The following DCC variants were observed in gnomAD, a reference collection of about 807,000 sequenced individuals.
DCC encodes the protein netrin receptor DCC.
DCC carries 58 observed loss-of-function variants against 172.5 expected under a neutral mutation model. That is an observed-to-expected ratio of 0.34 (90% CI 0.27 to 0.42). The LOEUF (loss-of-function observed/expected upper bound fraction) is 0.42, where lower values mean the gene tolerates loss of function less well. Among genes scored for constraint, DCC ranks in the 10% least tolerant of loss-of-function variants. The pLI is 1.00. For missense variants in DCC, 1,740 were observed against 1,791.0 expected (o/e 0.97, Z 0.51); for synonymous variants, 709 against 644.5 (o/e 1.10, Z -1.52).
chr18:52,497,378 T>C, intron 1 of DCC, among the ~76,000 whole-genome samples: 1 of 132,512 alleles, frequency 7.5e-6, no homozygotes, highest in Non-Finnish European at 1.6e-5. Context: ...TATGTGTATA[T>C]ATGTATACAC....
intron 20 of DCC, among the ~76,000 whole-genome samples, chr18:53,412,171 A>T (rs935712310): frequency 6.0e-4 from 91 of 152,296 alleles, no homozygotes; most frequent in African/African-American, 2.1e-3. Flanking sequence ...ACTAAGAACA[A>T]GTTCAGGAAT....
chr18:53,365,614 T>G (rs536742484), intron 15 of DCC, among the ~76,000 whole-genome samples: 59 of 152,260 alleles, frequency 3.9e-4, no homozygotes, highest in Non-Finnish European at 6.9e-4. Context: ...ACGAGGAATG[T>G]GTGAGTGTCT....
Position 52,650,002 on chromosome 18 carries a change from G to T in DCC, c.92-102052G>T, listed in dbSNP as rs137945800. Among the ~76,000 whole-genome samples, 384 of 137,398 alleles carry T rather than the reference G, an allele frequency of 2.8e-3. 2 individuals carry two copies. Among genetic ancestry groups the T allele is most frequent in the African/African-American group, 1.0e-2 (359 of 35,930 alleles). The allele number at this position is 137,398 out of a possible 152,430, so 90.1% of individuals were successfully genotyped here. ...TTTTTTTTTTTTTTTTTTTGAGATG[G>T]AGTATCGCTCTTGTTGCCCAGGCTG... On this transcript the variant is annotated intron_variant, in intron 1 of 28. Coordinates refer to ENST00000442544, the MANE Select transcript of DCC (RefSeq NM_005215.4).
chr18:52,817,581 GTC>G lies in DCC; in HGVS notation c.412+65213_412+65214del, dbSNP rs1403387356. ...GAGAATTATAGAATCTTTTAAGTCA[GTC>G]TCTCTTCCTCTTTCTAATATATATT... is the stretch of plus-strand genomic sequence containing the variant. On this transcript the variant is annotated intron_variant, in intron 2 of 28. Transcript: ENST00000442544. Among the ~76,000 whole-genome samples the G allele has an allele frequency of 4.6e-5, 7 of 151,756 alleles. No individual in the cohort carries two copies. The South Asian group carries it at 1.2e-3, about 27-fold the overall frequency.
intron 17 of DCC, among the ~76,000 whole-genome samples, chr18:53,393,847 C>T (rs895715642): frequency 2.6e-5 from 4 of 151,544 alleles, no homozygotes; most frequent in Non-Finnish European, 5.9e-5. Context: ...TTAACTGTTC[C>T]TCTTCCCTTC....
At chr18:52,907,929 C>T (rs2039914341) in intron 3 of DCC, among the ~76,000 whole-genome samples, 1 of 152,132 alleles carries the variant, frequency 6.6e-6, no homozygotes, top group African/African-American at 2.4e-5. Flanking sequence ...TTTACTTTCT[C>T]TTCTCTGGGA....
At chr18:53,450,465 C>T (rs1253973284) in intron 22 of DCC, 35 bp from the exon 23 acceptor site, 1 of 1,612,758 alleles carries the variant, frequency 6.2e-7, no homozygotes, top group Non-Finnish European at 8.5e-7. Context: ...CCACATCTTC[C>T]TAAACCTGAA....
At chr18:52,538,232 G>A (rs191027743) in intron 1 of DCC, among the ~76,000 whole-genome samples, 162 of 152,142 alleles carry the variant, frequency 1.1e-3, no homozygotes, top group Middle Eastern at 3.4e-3. Flanking sequence ...AAATTTAATA[G>A]CTTTCTGCTG....
intron 8 of DCC, among the ~76,000 whole-genome samples, chr18:53,177,126 CA>C (rs1251902496): frequency 6.9e-6 from 1 of 145,556 alleles, no homozygotes; most frequent in Non-Finnish European, 1.5e-5. Context: ...GGGAATTGAA[CA>C]ATGAGATCAC....
At chr18:53,424,171 C>T (rs1390733475) in intron 21 of DCC, among the ~76,000 whole-genome samples, 2 of 152,150 alleles carry the variant, frequency 1.3e-5, no homozygotes, top group Non-Finnish European at 2.9e-5. Context: ...TCTTGCTGTC[C>T]TTCCTTGTTA....
rs538789296 is a variant in DCC, at chr18:52,429,101, G to A, written c.91+88223G>A. ...CTACGTACAGTTATACAACACAAAAGTGACTAATTTTTACTGATGTCCATA... is the reference window on the plus strand; with the variant it reads ...CTACGTACAGTTATACAACACAAAAATGACTAATTTTTACTGATGTCCATA... On this transcript the variant is annotated intron_variant, in intron 1 of 28. Transcript: ENST00000442544. Among the ~76,000 whole-genome samples the A allele has an allele frequency of 3.3e-5, 5 of 152,080 alleles. No individual in the cohort carries two copies. In the South Asian group the frequency reaches 6.2e-4, roughly 19 times the overall value.
In DCC at chr18:52,656,153, G is replaced by T. The variant is rs374487937; in HGVS notation, c.92-95901G>T. On this transcript the variant is annotated intron_variant, in intron 1 of 28. Transcript: ENST00000442544. Reference sequence around the variant, plus strand: ...TATATATAGTGTGTATTGATGCTATGGTCTAAATGTTTGTGTTCCACCAAA... The same window carrying T: ...TATATATAGTGTGTATTGATGCTATTGTCTAAATGTTTGTGTTCCACCAAA... Among the ~76,000 whole-genome samples, 6 of 150,078 alleles carry T rather than the reference G, an allele frequency of 4.0e-5. No homozygotes were observed. In the East Asian group the frequency reaches 5.9e-4, roughly 15 times the overall value.
chr18:52,743,573 C>T (rs920491145), intron 1 of DCC, among the ~76,000 whole-genome samples: 8 of 152,214 alleles, frequency 5.3e-5, no homozygotes, highest in East Asian at 1.9e-4. Context: ...CCCGCTCCAA[C>T]TTAGCCCTTA....
intron 5 of DCC, among the ~76,000 whole-genome samples, chr18:53,046,128 C>A (rs138097570): frequency 1.3e-5 from 2 of 151,946 alleles, no homozygotes; most frequent in African/African-American, 4.8e-5. Context: ...AATAGAGTCT[C>A]AAAGCTGGAA....
At position 53,455,959 on chromosome 18, in the gene DCC, A is replaced by C. The variant is rs532981268; in HGVS notation, c.3393-3273A>C. Among the ~76,000 whole-genome samples the C allele has an allele frequency of 1.1e-3, 161 of 152,376 alleles. 2 individuals carry two copies. The South Asian group carries it at 0.032, about 30-fold the overall frequency. The stretch of plus-strand genomic sequence containing the variant: ...TAAATATTGATTGAATAAATAAATA[A>C]GTGTTGTAAAACAATGGATGATGTT... On this transcript the variant is annotated intron_variant, in intron 23 of 28. Transcript: ENST00000442544.
chr18:52,370,016 T>G (rs1388865664), intron 1 of DCC, among the ~76,000 whole-genome samples: 1 of 152,150 alleles, frequency 6.6e-6, no homozygotes, highest in Non-Finnish European at 1.5e-5. Flanking sequence ...TAATGGGTGA[T>G]ATTAAAAACA....
Position 53,019,702 on chromosome 18 carries a change from A to G in DCC, c.986-43603A>G, listed in dbSNP as rs148368147. On this transcript the variant is annotated intron_variant, in intron 5 of 28. Coordinates refer to ENST00000442544, the MANE Select transcript of DCC (RefSeq NM_005215.4). ...ACCGGGAATTGGCAAATTAAGGACCATGGATCAAATTCAGCTGACCATGCA... is the reference window on the plus strand; with the variant it reads ...ACCGGGAATTGGCAAATTAAGGACCGTGGATCAAATTCAGCTGACCATGCA... Among the ~76,000 whole-genome samples the G allele has an allele frequency of 1.4e-4, 22 of 152,294 alleles. No individual in the cohort carries two copies. In the East Asian group the frequency reaches 3.9e-3, roughly 27 times the overall value.
intron 3 of DCC, among the ~76,000 whole-genome samples, chr18:52,908,349 G>A (rs759538656): frequency 1.2e-4 from 18 of 152,062 alleles, no homozygotes; most frequent in African/African-American, 4.3e-4. Context: ...CATCCGCTAG[G>A]CAATGACAGA....
intron 12 of DCC, among the ~76,000 whole-genome samples, chr18:53,248,488 T>C (rs985109921): frequency 4.6e-5 from 7 of 151,972 alleles, no homozygotes; most frequent in Non-Finnish European, 8.8e-5. Flanking sequence ...TTGTCCTTCT[T>C]CCCAACTGGT....
Sources: gnomAD v4.1 joint callset for allele counts (sites outside exome capture counted in the v4.1 genomes callset) on GRCh38, gnomAD v4.1.1 for gene constraint, MANE v1.5 for transcripts, NCBI Gene and HGNC (gene_info 2026-07-23, HGNC 2026-07-21) for gene names.